The following THSD7B variants were observed in gnomAD, a reference collection of about 807,000 sequenced individuals.
THSD7B encodes thrombospondin type-1 domain-containing protein 7B.
Under a neutral mutation model 213.6 loss-of-function variants are expected in THSD7B, and 138 were observed. The observed-to-expected ratio is 0.65, with a 90% CI of 0.56 to 0.74. The LOEUF (loss-of-function observed/expected upper bound fraction) is 0.74. Among genes scored for constraint, THSD7B ranks in the 30% least tolerant of loss-of-function variants. The pLI, the probability that THSD7B is intolerant of heterozygous loss-of-function variation, is 0.00. For missense variants in THSD7B, 1,931 were observed against 1,991.5 expected (o/e 0.97, Z 0.58); for synonymous variants, 742 against 687.0 (o/e 1.08, Z -1.25).
At chr2:137,223,556 GAAAGGCTTATCAACAA>G in intron 7 of THSD7B, among the ~76,000 whole-genome samples, 1 of 152,226 alleles carries the variant, frequency 6.6e-6, no homozygotes, top group East Asian at 1.9e-4. Flanking sequence ...CTACCAAGCT[GAAAGGCTTATCAACAA>G]GTTGGCGTTA....
intron 1 of THSD7B, among the ~76,000 whole-genome samples, chr2:136,780,349 C>T (rs1373229336): frequency 6.6e-6 from 1 of 152,042 alleles, no homozygotes; most frequent in Non-Finnish European, 1.5e-5. Flanking sequence ...GTGCATGTGC[C>T]CTCATAGCCT....
intron 2 of THSD7B, among the ~76,000 whole-genome samples, chr2:137,039,784 GC>G (rs2104860438): frequency 6.6e-6 from 1 of 152,306 alleles, no homozygotes; most frequent in African/African-American, 2.4e-5. Context: ...CTACAAACTT[GC>G]TTCCCCCCGT....
chr2:137,531,336 C>A (rs1410356285), intron 15 of THSD7B, among the ~76,000 whole-genome samples: 1 of 151,950 alleles, frequency 6.6e-6, no homozygotes, highest in African/African-American at 2.4e-5. Flanking sequence ...TATTCTGACA[C>A]TGATGCCCTT....
At chr2:136,833,825 G>T (rs905116948) in intron 1 of THSD7B, among the ~76,000 whole-genome samples, 6 of 152,090 alleles carry the variant, frequency 3.9e-5, no homozygotes. Flanking sequence ...TCCAATGAGG[G>T]AAGTTTTTTG....
intron 3 of THSD7B, among the ~76,000 whole-genome samples, 162 bp from the exon 4 acceptor site, chr2:137,094,711 C>T (rs971680030): frequency 6.6e-6 from 1 of 152,158 alleles, no homozygotes; most frequent in African/African-American, 2.4e-5. Context: ...AAATGTTACA[C>T]TCTTCAATAT....
At chr2:137,124,781 G>C (rs1414476007) in intron 5 of THSD7B, among the ~76,000 whole-genome samples, 1 of 152,132 alleles carries the variant, frequency 6.6e-6, no homozygotes, top group Admixed American at 6.5e-5. Flanking sequence ...ATGATGTTTT[G>C]ATGTAGGCAT....
intron 5 of THSD7B, among the ~76,000 whole-genome samples, chr2:137,150,501 C>T (rs995431077): frequency 6.6e-6 from 1 of 152,090 alleles, no homozygotes; most frequent in Admixed American, 6.6e-5. Flanking sequence ...GGCTTCCCCC[C>T]CTACACTCTG....
chr2:136,858,195 C>T (rs1440292652), intron 1 of THSD7B, among the ~76,000 whole-genome samples: 1 of 152,072 alleles, frequency 6.6e-6, no homozygotes, highest in Admixed American at 6.6e-5. Context: ...ACATTTAAAG[C>T]GATGATTATT....
intron 12 of THSD7B, among the ~76,000 whole-genome samples, chr2:137,291,589 A>G (rs1473076540): frequency 6.6e-6 from 1 of 152,166 alleles, no homozygotes; most frequent in Non-Finnish European, 1.5e-5. Flanking sequence ...ATAACACATT[A>G]AAATTACTAT....
chr2:137,235,030 A>G (rs532777708), intron 9 of THSD7B, among the ~76,000 whole-genome samples: 11 of 152,356 alleles, frequency 7.2e-5, no homozygotes, highest in Admixed American at 1.3e-4. Flanking sequence ...CCAATGAATC[A>G]ATGGAAGTTA....
intron 3 of THSD7B, among the ~76,000 whole-genome samples, chr2:137,064,588 G>C (rs191872050): frequency 1.4e-4 from 22 of 152,024 alleles, no homozygotes; most frequent in African/African-American, 4.8e-4. Flanking sequence ...TTCAATGTTT[G>C]AAGAGTTTCC....
chr2:137,548,506 C>A (rs1056384684), intron 15 of THSD7B, among the ~76,000 whole-genome samples: 1 of 151,936 alleles, frequency 6.6e-6, no homozygotes, highest in Non-Finnish European at 1.5e-5. Context: ...TATTCTTTCC[C>A]AAACTTTATT....
At chr2:137,622,861 C>A (rs1314791233) in intron 20 of THSD7B, among the ~76,000 whole-genome samples, 1 of 152,090 alleles carries the variant, frequency 6.6e-6, no homozygotes, top group Non-Finnish European at 1.5e-5. Context: ...AAAAAAAGTC[C>A]AGGACCAGAT....
chr2:137,127,082 G>GT (rs1225011049), intron 5 of THSD7B, among the ~76,000 whole-genome samples: 14 of 152,116 alleles, frequency 9.2e-5, no homozygotes, highest in African/African-American at 3.4e-4. Flanking sequence ...TAATGAAAAA[G>GT]TGTGAAATAA....
At chr2:137,311,687 C>G (rs886211075) in intron 12 of THSD7B, among the ~76,000 whole-genome samples, 1 of 151,824 alleles carries the variant, frequency 6.6e-6, no homozygotes, top group Non-Finnish European at 1.5e-5. Context: ...CCCATCAATA[C>G]CTAATTTATT....
chr2:136,794,705 GT>G (rs1415140456), intron 1 of THSD7B, among the ~76,000 whole-genome samples: 2 of 151,924 alleles, frequency 1.3e-5, no homozygotes, highest in African/African-American at 4.8e-5. Flanking sequence ...GATTAGGACA[GT>G]TTAGCTAATT....
intron 1 of THSD7B, among the ~76,000 whole-genome samples, chr2:136,772,921 G>C (rs1171510166): frequency 6.6e-6 from 1 of 152,094 alleles, no homozygotes; most frequent in Non-Finnish European, 1.5e-5. Flanking sequence ...CTAATGTCTT[G>C]TAACTATTTC....
chr2:136,955,643 A>G (rs1273404732), intron 2 of THSD7B, among the ~76,000 whole-genome samples: 3 of 152,212 alleles, frequency 2.0e-5, no homozygotes, highest in Non-Finnish European at 4.4e-5. Flanking sequence ...CTAAATTGGT[A>G]TAGCAATTTC....
intron 9 of THSD7B, among the ~76,000 whole-genome samples, chr2:137,238,996 TC>T (rs1681840979): frequency 1.3e-5 from 2 of 152,208 alleles, no homozygotes; most frequent in African/African-American, 4.8e-5. Flanking sequence ...TGGGTATATA[TC>T]TTTTAATATT....
Sources: allele counts gnomAD v4.1 joint callset (sites outside exome capture counted in the v4.1 genomes callset), GRCh38; gene constraint gnomAD v4.1.1; transcripts MANE v1.5; gene names NCBI Gene and HGNC (gene_info 2026-07-23, HGNC 2026-07-21).